WDR49: variants seen among roughly 807,000 people sequenced by gnomAD.
The protein encoded by WDR49 is cilia- and flagella-associated protein 337.
Under a neutral mutation model 119.5 loss-of-function variants are expected in WDR49, and 107 were observed. That is an observed-to-expected ratio of 0.90 (90% CI 0.77 to 1.05). The LOEUF (loss-of-function observed/expected upper bound fraction) is 1.05, where lower values mean the gene tolerates loss of function less well. Among genes scored for constraint, WDR49 ranks in the 50% least tolerant of loss-of-function variants. The probability of loss-of-function intolerance (pLI) is 0.00; values close to 1 mark genes in which losing one functional copy is unlikely to be tolerated. For missense variants in WDR49, 1,240 were observed against 1,220.5 expected, an observed-to-expected ratio of 1.02 and a Z score of -0.24; for synonymous variants, 425 against 418.8, an observed-to-expected ratio of 1.01 and a Z score of -0.18.
At chr3:167,590,372 T>C (rs1247522462) in intron 7 of WDR49, among the ~76,000 whole-genome samples, 8 of 152,108 alleles carry the variant, frequency 5.3e-5, no homozygotes, top group Admixed American at 5.2e-4. Flanking sequence ...TCTTTTCTGA[T>C]GTGTCTGTGT....
intron 2 of WDR49, among the ~76,000 whole-genome samples, chr3:167,651,603 T>G (rs993354487): frequency 1.3e-5 from 2 of 152,282 alleles, no homozygotes; most frequent in Non-Finnish European, 2.9e-5. Context: ...CATTTTTTTT[T>G]TTTGAAGGTA....
intron 3 of WDR49, 137 bp downstream of exon 3, chr3:167,626,715 G>T (rs909616599): frequency 1.2e-5 from 7 of 595,570 alleles, no homozygotes; most frequent in African/African-American, 9.6e-5. Context: ...AAAACAGCTG[G>T]CACTACCTGT....
chr3:167,568,448 T>G (rs1713737914), intron 8 of WDR49, among the ~76,000 whole-genome samples: 1 of 152,196 alleles, frequency 6.6e-6, no homozygotes, highest in African/African-American at 2.4e-5. Context: ...GTATTTTCAA[T>G]ACGAGGTAAA....
chr3:167,604,577 G>T, intron 5 of WDR49, 109 bp from the exon 6 acceptor site: 2 of 1,122,246 alleles, frequency 1.8e-6, no homozygotes, highest in South Asian at 3.7e-5. Flanking sequence ...CTCAAACTAT[G>T]ATGATACAAA....
chr3:167,621,586 C>T lies in WDR49; in HGVS notation c.664G>A (p.Glu222Lys), dbSNP rs1238974009. ...VCFYDLLSKE[E>K]FACQYKLQGL... The stretch of plus-strand genomic sequence containing the variant: ...TGGAGTTTGTATTGGCAAGCAAATT[C>T]TTCTTTGGACAGCAGATCATAGAAA... Residue 222 changes from glutamate to lysine, a missense_variant, in exon 4 of 19, where the codon GAA becomes AAA. Physicochemically the swap from Glu to Lys is moderately conservative, Grantham distance 56. Transcript: ENST00000682715. 4.6e-6 allele frequency: 7 copies of T among 1,535,008 alleles called. No homozygotes were observed. In the South Asian group the frequency reaches 7.1e-5, roughly 16 times the overall value.
intron 15 of WDR49, among the ~76,000 whole-genome samples, chr3:167,525,340 C>T (rs552476074): frequency 1.1e-4 from 16 of 152,044 alleles, no homozygotes; most frequent in Admixed American, 2.6e-4. Flanking sequence ...TATACAATCA[C>T]GTTGTATGCA....
chr3:167,529,481 C>G (rs575114921), intron 13 of WDR49, among the ~76,000 whole-genome samples: 2 of 152,078 alleles, frequency 1.3e-5, no homozygotes, highest in African/African-American at 4.8e-5. Context: ...CGTTTAGTTC[C>G]CTTTTCTTCA....
At chr3:167,512,515 CA>C (rs1168423476) in intron 16 of WDR49, among the ~76,000 whole-genome samples, 4 of 152,150 alleles carry the variant, frequency 2.6e-5, no homozygotes, top group Admixed American at 2.0e-4. Flanking sequence ...AAAATCCACA[CA>C]AAAACACTGA....
intron 17 of WDR49, among the ~76,000 whole-genome samples, chr3:167,502,921 G>A (rs546475188): frequency 6.6e-6 from 1 of 152,192 alleles, no homozygotes; most frequent in Non-Finnish European, 1.5e-5. Flanking sequence ...ATTCAAGCAG[G>A]CTGTGGAGCA....
intron 7 of WDR49, among the ~76,000 whole-genome samples, chr3:167,577,689 A>G (rs1297953211): frequency 2.0e-5 from 3 of 152,168 alleles, no homozygotes; most frequent in Non-Finnish European, 4.4e-5. Flanking sequence ...TGTAAATATT[A>G]GAACCTAAAA....
At chr3:167,502,536 G>A (rs1370199749) in intron 17 of WDR49, among the ~76,000 whole-genome samples, 1 of 152,160 alleles carries the variant, frequency 6.6e-6, no homozygotes, top group Non-Finnish European at 1.5e-5. Flanking sequence ...CCAAAGTCCT[G>A]ATAGTGATGT....
intron 3 of WDR49, among the ~76,000 whole-genome samples, chr3:167,626,378 C>T (rs1717127779): frequency 6.6e-6 from 1 of 151,952 alleles, no homozygotes; most frequent in African/African-American, 2.4e-5. Flanking sequence ...AAGCTCCAAC[C>T]TTCCCCATCA....
At chr3:167,489,068 T>C (rs537824506) in intron 18 of WDR49, among the ~76,000 whole-genome samples, 2 of 152,200 alleles carry the variant, frequency 1.3e-5, no homozygotes, top group South Asian at 4.1e-4. Context: ...TTAGCTCTTA[T>C]CAATATCATT....
chr3:167,562,190 G>T (rs1407548903), intron 8 of WDR49, among the ~76,000 whole-genome samples: 1 of 152,080 alleles, frequency 6.6e-6, no homozygotes, highest in African/African-American at 2.4e-5. Context: ...TCTTAATAAG[G>T]AAAAGAGTAA....
chr3:167,597,986 G>C (rs1715570233), intron 7 of WDR49, among the ~76,000 whole-genome samples: 1 of 152,140 alleles, frequency 6.6e-6, no homozygotes, highest in Non-Finnish European at 1.5e-5. Context: ...GGGGGACCAT[G>C]ATGGGGGCAT....
intron 18 of WDR49, among the ~76,000 whole-genome samples, chr3:167,493,541 C>T (rs1445347116): frequency 2.0e-5 from 3 of 152,146 alleles, no homozygotes; most frequent in South Asian, 2.1e-4. Context: ...AAACACTGCT[C>T]AGCCCTGGGA....
At chr3:167,570,544 T>A (rs926947886) in intron 8 of WDR49, among the ~76,000 whole-genome samples, 1 of 152,196 alleles carries the variant, frequency 6.6e-6, no homozygotes, top group South Asian at 2.1e-4. Flanking sequence ...TAAATTAAGA[T>A]AAGGTAACTA....
chr3:167,554,714 T>C lies in WDR49; in HGVS notation c.1759A>G (p.Lys587Glu), dbSNP rs1269921496. The change falls in exon 10 of 19, where the codon AAG becomes GAG. Residue 587 changes from lysine (K) to glutamate (E), a missense_variant. Transcript: ENST00000682715. ...CAGCCTGTAACCAGTATTTTCTTCT[T>C]AAGAATGAGGATTTGTGAAATATCC... ...AVDISQILILKKKILVTGWER... is the reference protein window; with the variant it reads ...AVDISQILILEKKILVTGWER... The C allele has an allele frequency of 6.2e-7, 1 of 1,613,488 alleles. No individual in the cohort carries two copies. Among genetic ancestry groups the C allele is most frequent in the East Asian group, 2.2e-5 (1 of 44,802 alleles).
At chr3:167,555,766 A>ATT (rs149499020) in intron 9 of WDR49, among the ~76,000 whole-genome samples, 1 of 151,882 alleles carries the variant, frequency 6.6e-6, no homozygotes, top group Non-Finnish European at 1.5e-5. Flanking sequence ...GGAGAAACTG[A>ATT]TTTTTTTCCT....
Sources: gnomAD v4.1 joint callset for allele counts (sites outside exome capture counted in the v4.1 genomes callset) on GRCh38, gnomAD v4.1.1 for gene constraint, MANE v1.5 for transcripts, NCBI Gene and HGNC (gene_info 2026-07-23, HGNC 2026-07-21) for gene names.